Variants in MPND observed in about 807,000 individuals in gnomAD.
MPND encodes MPN domain containing, also known as MPN domain-containing protein.
Under a neutral mutation model 59.2 loss-of-function variants are expected in MPND, and 56 were observed. That is an observed-to-expected ratio of 0.95 (90% confidence interval 0.76 to 1.18). The LOEUF is 1.18. Ranked by LOEUF, MPND falls within the 50% of genes most tolerant of loss-of-function variation. MPND has a pLI of 0.00. For missense variants in MPND, 671 were observed against 676.0 expected, an observed-to-expected ratio of 0.99 and a Z score of 0.08; for synonymous variants, 323 against 291.9, an observed-to-expected ratio of 1.11 and a Z score of -1.09.
chr19:4,354,263 G>C, intron 5 of MPND, 61 bp from the exon 6 acceptor site: 1 of 1,514,198 alleles, frequency 6.6e-7, no homozygotes. Flanking sequence ...GGGAGTCAGT[G>C]TGGGGGCGAG....
intron 12 of MPND, among the ~76,000 whole-genome samples, chr19:4,359,681 C>A (rs896057750): frequency 6.6e-6 from 1 of 152,238 alleles, no homozygotes; most frequent in East Asian, 1.9e-4. Flanking sequence ...GGGGCAGGAT[C>A]GGGAGTGTGC....
chr19:4,344,688 A>G (rs1219898456), intron 2 of MPND, among the ~76,000 whole-genome samples: 1 of 151,600 alleles, frequency 6.6e-6, no homozygotes, highest in Non-Finnish European at 1.5e-5. Context: ...AGCCCTCAGC[A>G]GGCGCCTGCC....
intron 3 of MPND, among the ~76,000 whole-genome samples, chr19:4,351,394 T>C (rs575667492): frequency 6.6e-6 from 1 of 152,266 alleles, no homozygotes; most frequent in East Asian, 1.9e-4. Flanking sequence ...TGGGCCACTG[T>C]GCCCGACTGG....
chr19:4,357,309 C>G lies in MPND; in HGVS notation c.1053C>G (p.His351Gln). The G allele has an allele frequency of 6.2e-7, 1 of 1,613,136 alleles. No homozygotes were observed. Among genetic ancestry groups the G allele is most frequent in the Non-Finnish European group, 8.5e-7 (1 of 1,179,938 alleles). ...CCCTGGTGGGCTGGTACCACAGCCA[C>G]CCACACAGCCCGGCGCTGCCATCTC... is the stretch of plus-strand genomic sequence containing the variant. ...GLSLVGWYHS[H>Q]PHSPALPSLQ... Residue 351 changes from histidine to glutamine, a missense_variant, in exon 9 of 13, where the codon CAC becomes CAG. Transcript: ENST00000599840.
rs763394875 is a variant in MPND, at chr19:4,355,151, C to T, written c.974C>T (p.Thr325Ile). ...PCRSRLGDAE[T>I]AAAIEEEIYQ... Reference sequence around the variant, plus strand: ...CGGAGCCGGCTCGGGGACGCAGAGACTGCAGCTGCCATCGAAGAGGAGGTG... The same window carrying T: ...CGGAGCCGGCTCGGGGACGCAGAGATTGCAGCTGCCATCGAAGAGGAGGTG... Residue 325 changes from threonine (T) to isoleucine (I), a missense_variant, in exon 8 of 13, where the codon ACT becomes ATT. Physicochemically the swap from Thr to Ile is moderately conservative, Grantham distance 89 (BLOSUM62 -1). Coordinates refer to ENST00000599840, the MANE Select transcript of MPND (RefSeq NM_001300862.2). 1 of 1,613,338 alleles carries T rather than the reference C, an allele frequency of 6.2e-7. No individual in the cohort carries two copies. Among genetic ancestry groups the T allele is most frequent in the South Asian group, 1.1e-5 (1 of 91,048 alleles).
Position 4,358,186 on chromosome 19 carries a change from G to GGGGC in MPND, c.1326+19_1326+22dup, listed in dbSNP as rs1972488237. 1 of 1,549,390 alleles carries GGGGC rather than the reference G, an allele frequency of 6.5e-7. No individual in the cohort carries two copies. The highest frequency in any genetic ancestry group is 8.7e-7 in the Non-Finnish European group (1 of 1,145,720). Reference sequence around the variant, plus strand: ...CTTCACGAGATGGTGAGCTCGCTGCGGGGCGGGCAGGCAGGGGCTGGCAGT... The same window carrying GGGGC: ...CTTCACGAGATGGTGAGCTCGCTGCGGGGCGGGCGGGCAGGCAGGGGCTGGCAGT... On this transcript the variant is annotated intron_variant, in intron 11 of 12. Transcript: ENST00000599840.
intron 9 of MPND, 31 bp from the exon 10 acceptor site, chr19:4,357,484 A>G (rs368253644): frequency 4.3e-6 from 7 of 1,611,534 alleles, no homozygotes; most frequent in Non-Finnish European, 4.2e-6. Context: ...CGAGCCTCCC[A>G]GGGCCAACCC....
intron 3 of MPND, among the ~76,000 whole-genome samples, chr19:4,350,190 G>T (rs988270247): frequency 1.6e-4 from 25 of 152,096 alleles, no homozygotes; most frequent in Admixed American, 8.5e-4. Flanking sequence ...AAAGGCCCTG[G>T]GGCACGACCG....
At position 4,359,937 on chromosome 19, in the gene MPND, C is replaced by CCCAAGGACCAGAGCCTGTGTCACGTCCT; in HGVS notation, c.1442_1469dup (p.Glu491GlnfsTer33). ...TCAGATCTCCTTGGCCAGCAGGACGCCCAAGGACCAGAGCCTGTGTCACGT... is the reference window on the plus strand; with the variant it reads ...TCAGATCTCCTTGGCCAGCAGGACGCCCAAGGACCAGAGCCTGTGTCACGTCCTCCAAGGACCAGAGCCTGTGTCACGT... On this transcript the variant is annotated frameshift_variant, in exon 13 of 13. Transcript: ENST00000599840. LOFTEE classifies it high-confidence loss of function. The CCCAAGGACCAGAGCCTGTGTCACGTCCT allele has an allele frequency of 6.4e-7, 1 of 1,573,064 alleles. No homozygotes were observed. The highest frequency in any genetic ancestry group is 8.6e-7 in the Non-Finnish European group (1 of 1,158,848).
At position 4,354,369 on chromosome 19, in the gene MPND, C is replaced by A; in HGVS notation, c.795C>A (p.Asn265Lys). 1 of 1,562,698 alleles carries A rather than the reference C, an allele frequency of 6.4e-7. No homozygotes were observed. Among genetic ancestry groups the A allele is most frequent in the Non-Finnish European group, 8.7e-7 (1 of 1,152,076 alleles). ...AAGTAACATCCTTTGCAGCCATCAACAAGTTCCAGCCGTTCAACGTGGCTG... is the reference window on the plus strand; with the variant it reads ...AAGTAACATCCTTTGCAGCCATCAAAAAGTTCCAGCCGTTCAACGTGGCTG... ...LVEVTSFAAI[N>K]KFQPFNVAVS... The change falls in exon 6 of 13, where the codon AAC (asparagine) becomes AAA (lysine). Residue 265 changes from asparagine to lysine, a missense_variant. Physicochemically the swap from Asn to Lys is moderately conservative, Grantham distance 94. Transcript: ENST00000599840.
chr19:4,351,176 TCACTGCAGTCTCCG>T, intron 3 of MPND, among the ~76,000 whole-genome samples: 1 of 152,314 alleles, frequency 6.6e-6, no homozygotes, highest in Middle Eastern at 3.4e-3. Context: ...TGATCTCAGT[TCACTGCAGTCTCCG>T]CCTCCCGGGT....
intron 3 of MPND, among the ~76,000 whole-genome samples, chr19:4,346,238 C>T (rs929890259): frequency 6.6e-6 from 1 of 152,064 alleles, no homozygotes; most frequent in African/African-American, 2.4e-5. Flanking sequence ...GATGGAATGG[C>T]ATACGCAAAG....
At chr19:4,346,928 G>T (rs1400036463) in intron 3 of MPND, among the ~76,000 whole-genome samples, 1 of 152,044 alleles carries the variant, frequency 6.6e-6, no homozygotes, top group Non-Finnish European at 1.5e-5. Context: ...TACTCGGGAG[G>T]CTGAGGCAGG....
chr19:4,345,258 G>C (rs1243071000), intron 2 of MPND, among the ~76,000 whole-genome samples: 2 of 151,380 alleles, frequency 1.3e-5, no homozygotes, highest in Non-Finnish European at 2.9e-5. Flanking sequence ...TGTTGGCCAG[G>C]CTGGTCTCAA....
Position 4,343,826 on chromosome 19 carries a change from TGGC to T in MPND, c.136_138del (p.Gly46del), listed in dbSNP as rs543214680. 8.4e-7 allele frequency: 1 copy of T among 1,191,342 alleles called. No homozygotes were observed. The highest frequency in any genetic ancestry group is 3.7e-5 in the East Asian group (1 of 27,394). The allele number at this position is 1,191,342 out of a possible 1,614,324, so 73.8% of individuals were successfully genotyped here. A position where few individuals can be genotyped will look rare whatever the true frequency, so the allele number is the denominator to read the frequency against. On this transcript the variant is annotated inframe_deletion, in exon 2 of 13. Transcript: ENST00000599840. ...ATGCGGGAGCGGGCGGTGGACGCAGTGGCGGCGGCGGCAGTAGCGTCAGCGGAG... is the reference window on the plus strand; with the variant it reads ...ATGCGGGAGCGGGCGGTGGACGCAGTGGCGGCGGCAGTAGCGTCAGCGGAG...
intron 8 of MPND, among the ~76,000 whole-genome samples, chr19:4,355,654 A>G (rs988302512): frequency 9.3e-5 from 14 of 149,786 alleles, no homozygotes; most frequent in African/African-American, 3.2e-4. Flanking sequence ...TATTTTTAGT[A>G]GAGACAGGGT....
intron 3 of MPND, chr19:4,347,670 G>A: frequency 2.6e-6 from 1 of 383,456 alleles, no homozygotes. Flanking sequence ...TTAAACTTGT[G>A]ACAAAGGACA....
chr19:4,351,824 T>C (rs1972323875), intron 3 of MPND, among the ~76,000 whole-genome samples: 1 of 129,552 alleles, frequency 7.7e-6, no homozygotes, highest in Admixed American at 8.7e-5. Context: ...ATCATGCCAC[T>C]GCACTCCAGC....
chr19:4,359,670 G>A (rs560013841), intron 12 of MPND, among the ~76,000 whole-genome samples: 1 of 152,176 alleles, frequency 6.6e-6, no homozygotes, highest in Non-Finnish European at 1.5e-5. Flanking sequence ...GGGCTGAAGT[G>A]GGGGCAGGAT....
Sources: gnomAD v4.1 joint callset for allele counts (sites outside exome capture counted in the v4.1 genomes callset) on GRCh38, gnomAD v4.1.1 for gene constraint, MANE v1.5 for transcripts, NCBI Gene and HGNC (gene_info 2026-07-23, HGNC 2026-07-21) for gene names.